PRKCQ: variants seen among roughly 807,000 people sequenced by gnomAD.
PRKCQ encodes the protein protein kinase C theta.
A neutral mutation model predicts 91.2 loss-of-function variants in PRKCQ; 41 were observed. That is an observed-to-expected ratio of 0.45 (90% CI 0.35 to 0.58). The LOEUF (loss-of-function observed/expected upper bound fraction) is 0.58. Among genes scored for constraint, PRKCQ ranks in the 20% least tolerant of loss-of-function variants. The pLI is 0.00. For missense variants in PRKCQ, 673 were observed against 896.5 expected (o/e 0.75, Z 3.18); for synonymous variants, 307 against 316.9 (o/e 0.97, Z 0.33).
chr10:6,535,099 A>G (rs1014530012), intron 1 of PRKCQ, among the ~76,000 whole-genome samples: 1 of 152,204 alleles, frequency 6.6e-6, no homozygotes, highest in African/African-American at 2.4e-5. Context: ...CGAGCTTGTA[A>G]GTAACCTGGC....
the PRKCQ span, among the ~76,000 whole-genome samples, chr10:6,421,801 T>G: frequency 6.6e-6 from 1 of 152,230 alleles, no homozygotes; most frequent in Non-Finnish European, 1.5e-5. This position sits in a 1 kb window ranked among gnomAD's most constrained non-coding sequence, Gnocchi z 4.1. Context: ...TAGAGAAAGG[T>G]GGTGCATAGA....
intron 11 of PRKCQ, among the ~76,000 whole-genome samples, chr10:6,480,370 C>T (rs574430711): frequency 2.0e-5 from 3 of 152,310 alleles, no homozygotes; most frequent in Admixed American, 2.0e-4. Flanking sequence ...AGATTTAACT[C>T]CAAAATCTAC....
At chr10:6,401,612 G>A in the PRKCQ span, among the ~76,000 whole-genome samples, 1 of 151,942 alleles carries the variant, frequency 6.6e-6, no homozygotes, top group Non-Finnish European at 1.5e-5. Context: ...AACACCTGGG[G>A]TTCTGAGCGC....
chr10:6,475,619 G>C (rs557935745), intron 12 of PRKCQ, among the ~76,000 whole-genome samples: 76 of 152,302 alleles, frequency 5.0e-4, no homozygotes, highest in African/African-American at 1.7e-3. Context: ...CCCTGGAGAA[G>C]TACATAGTTA....
At chr10:6,491,357 T>G (rs762899341) in intron 8 of PRKCQ, among the ~76,000 whole-genome samples, 2 of 152,114 alleles carry the variant, frequency 1.3e-5, no homozygotes, top group Non-Finnish European at 2.9e-5. Context: ...CTGAGGAAAC[T>G]AGTAGTAGAA....
chr10:6,520,688 A>G (rs1447427094), intron 1 of PRKCQ, among the ~76,000 whole-genome samples: 1 of 152,034 alleles, frequency 6.6e-6, no homozygotes, highest in Non-Finnish European at 1.5e-5. Flanking sequence ...CTCCATGGGA[A>G]GTTCTCAGCC....
At chr10:6,488,509 C>A (rs1291370121) in intron 8 of PRKCQ, among the ~76,000 whole-genome samples, 1 of 151,476 alleles carries the variant, frequency 6.6e-6, no homozygotes, top group Non-Finnish European at 1.5e-5. Flanking sequence ...CCTCAGCCTC[C>A]TGAGTAGCTG....
chr10:6,411,566 A>C, the PRKCQ span, among the ~76,000 whole-genome samples: 1 of 152,242 alleles, frequency 6.6e-6, no homozygotes, highest in African/African-American at 2.4e-5. Flanking sequence ...GAGATTGGCA[A>C]ATTTAGCCTT....
chr10:6,538,941 T>C (rs1159658034), intron 1 of PRKCQ, among the ~76,000 whole-genome samples: 1 of 152,098 alleles, frequency 6.6e-6, no homozygotes, highest in Non-Finnish European at 1.5e-5. Flanking sequence ...TTTTTTGTAT[T>C]TTAGTAGAGA....
intron 1 of PRKCQ, among the ~76,000 whole-genome samples, chr10:6,553,150 A>G (rs1840254949): frequency 1.3e-5 from 2 of 152,172 alleles, no homozygotes; most frequent in African/African-American, 4.8e-5. Context: ...CCTCAGTAAT[A>G]CTGTGAAATC....
chr10:6,476,897 G>A (rs1333361190), intron 12 of PRKCQ, among the ~76,000 whole-genome samples: 1 of 152,152 alleles, frequency 6.6e-6, no homozygotes, highest in Non-Finnish European at 1.5e-5. Context: ...CCAACAGCAT[G>A]GAGAGGGTGG....
At chr10:6,412,145 C>G in the PRKCQ span, among the ~76,000 whole-genome samples, 1 of 152,144 alleles carries the variant, frequency 6.6e-6, no homozygotes. Context: ...CTCCTCGACT[C>G]AAGAGATTCT....
chr10:6,498,332 G>A, intron 5 of PRKCQ, 64 bp downstream of exon 5: 1 of 1,568,134 alleles, frequency 6.4e-7, no homozygotes. Context: ...CCAGCGTAGA[G>A]GATTAAGAAG....
intron 12 of PRKCQ, among the ~76,000 whole-genome samples, chr10:6,470,266 A>G (rs1023307872): frequency 8.6e-5 from 13 of 151,444 alleles, no homozygotes; most frequent in Non-Finnish European, 1.5e-4. Context: ...TTACCACCCC[A>G]AGGGATCCTC....
Position 6,442,061 on chromosome 10 carries a change from G to C in PRKCQ, c.1668C>G (p.Tyr556Ter). The change falls in exon 16 of 18, where the codon TAC (tyrosine) becomes TAG (stop). Residue 556 changes from tyrosine (Y) to a stop codon, truncating the protein, a stop_gained. Coordinates refer to ENST00000263125, the MANE Select transcript of PRKCQ (RefSeq NM_006257.5). LOFTEE classifies it high-confidence loss of function. ...IAPEILLGQK[Y>*]NHSVDWWSFG... Reference sequence around the variant, plus strand: ...AGGACCACCAGTCCACAGAGTGGTTGTATTTCTGACCCAGCAAGATCTGCA... The same window carrying C: ...AGGACCACCAGTCCACAGAGTGGTTCTATTTCTGACCCAGCAAGATCTGCA... 1 of 1,613,266 alleles carries C rather than the reference G, an allele frequency of 6.2e-7. No individual in the cohort carries two copies. The highest frequency in any genetic ancestry group is 8.5e-7 in the Non-Finnish European group (1 of 1,179,318).
At chr10:6,461,841 T>C (rs894216959) in intron 14 of PRKCQ, among the ~76,000 whole-genome samples, 8 of 152,148 alleles carry the variant, frequency 5.3e-5, no homozygotes, top group African/African-American at 1.4e-4. Flanking sequence ...AGTGAGGAGA[T>C]TGAGATACAA....
rs144980436 is a variant in PRKCQ, at chr10:6,508,822, T to C, written c.319-1326A>G. Among the ~76,000 whole-genome samples the C allele has an allele frequency of 1.2e-3, 190 of 152,174 alleles. 1 individual carries two copies. Among genetic ancestry groups the C allele is most frequent in the African/African-American group, 4.4e-3 (182 of 41,504 alleles). On this transcript the variant is annotated intron_variant, in intron 3 of 17. Transcript: ENST00000263125. ...TTAGCTACTGGAAAAACAGCACCCA[T>C]AGAAAGCCACATTCCAGCACATTTT...
rs1279696051 is a variant in PRKCQ, at chr10:6,497,776, T to C, written c.543-525A>G. The stretch of plus-strand genomic sequence containing the variant: ...CTGATGAAAACCCGCCAAGTCGATC[T>C]GGCATGTGGATACCCTGGTTACACA... On this transcript the variant is annotated intron_variant, in intron 5 of 17. Coordinates refer to ENST00000263125, the MANE Select transcript of PRKCQ (RefSeq NM_006257.5). This position sits in a 1 kb window ranked among gnomAD's most constrained non-coding sequence, Gnocchi z 4.5. Among the ~76,000 whole-genome samples, 1 of 152,228 alleles carries C rather than the reference T, an allele frequency of 6.6e-6. No homozygotes were observed. Among genetic ancestry groups the C allele is most frequent in the Non-Finnish European group, 1.5e-5 (1 of 68,042 alleles).
At chr10:6,416,994 C>G in the PRKCQ span, among the ~76,000 whole-genome samples, 1 of 152,208 alleles carries the variant, frequency 6.6e-6, no homozygotes, top group Non-Finnish European at 1.5e-5. Flanking sequence ...GCAGGCTCAA[C>G]TTTCCTCTTG....
Sources: allele counts gnomAD v4.1 joint callset (sites outside exome capture counted in the v4.1 genomes callset), GRCh38; gene constraint gnomAD v4.1.1; non-coding constraint Gnocchi (gnomAD v3.1); transcripts MANE v1.5; gene names NCBI Gene and HGNC (gene_info 2026-07-23, HGNC 2026-07-21).